The following SORBS3 variants were observed in gnomAD, a reference collection of about 807,000 sequenced individuals.
SORBS3 encodes vinexin.
Under a neutral mutation model 98.0 loss-of-function variants are expected in SORBS3, and 69 were observed. The observed-to-expected ratio is 0.70, with a 90% CI of 0.58 to 0.86. The LOEUF (loss-of-function observed/expected upper bound fraction) is 0.86. SORBS3 is among the 40% of genes least tolerant of loss of function. The pLI, the probability that SORBS3 is intolerant of heterozygous loss-of-function variation, is 0.00. For synonymous variants in SORBS3, 394 were observed against 355.4 expected, an observed-to-expected ratio of 1.11 and a Z score of -1.22; for missense variants, 954 against 908.5, an observed-to-expected ratio of 1.05 and a Z score of -0.64.
At chr8:22,557,653 A>C (rs1351516899) in intron 4 of SORBS3, among the ~76,000 whole-genome samples, 2 of 149,646 alleles carry the variant, frequency 1.3e-5, no homozygotes, top group Non-Finnish European at 3.0e-5. Flanking sequence ...AAAAAAAAAA[A>C]TAAAATAAAA....
intron 16 of SORBS3, 70 bp downstream of exon 16, chr8:22,567,245 A>C: frequency 8.6e-7 from 1 of 1,168,060 alleles, no homozygotes. Flanking sequence ...GACTTAGTGC[A>C]AACCTTGGGT....
intron 5 of SORBS3, among the ~76,000 whole-genome samples, chr8:22,559,681 C>G (rs368904710): frequency 6.2e-4 from 85 of 137,600 alleles, no homozygotes; most frequent in African/African-American, 2.3e-3. Context: ...CCAGCCTGGG[C>G]AATAGAGCAA....
At chr8:22,556,059 A>G (rs377594390) in intron 3 of SORBS3, among the ~76,000 whole-genome samples, 1 of 152,194 alleles carries the variant, frequency 6.6e-6, no homozygotes, top group African/African-American at 2.4e-5. Context: ...CTGAGCTGCA[A>G]TTCACACACT....
chr8:22,559,983 C>G (rs1005330223), intron 5 of SORBS3, among the ~76,000 whole-genome samples: 2 of 150,404 alleles, frequency 1.3e-5, no homozygotes, highest in Non-Finnish European at 3.0e-5. Context: ...AGGAGAATTG[C>G]TTGAACCTGA....
chr8:22,572,995 G>A (rs1346189709), intron 20 of SORBS3, among the ~76,000 whole-genome samples: 3 of 152,244 alleles, frequency 2.0e-5, no homozygotes, highest in African/African-American at 4.8e-5. Flanking sequence ...CAGAGTGGGC[G>A]GGCCCTGTGC....
chr8:22,550,109 G>A, upstream of SORBS3: 2 of 720,588 alleles, frequency 2.8e-6, no homozygotes, highest in Non-Finnish European at 3.4e-6. Context: ...ATCCCTGAGG[G>A]AGGGAAGAGG....
chr8:22,558,293 T>G (rs1586892813), intron 5 of SORBS3, 101 bp downstream of exon 5: 1 of 1,100,206 alleles, frequency 9.1e-7, no homozygotes, highest in Non-Finnish European at 1.4e-6. Flanking sequence ...GCTCAAGGGG[T>G]TCTTCTCCAC....
In SORBS3 at chr8:22,554,641, C is replaced by A. The variant is rs887913918; in HGVS notation, c.102+33C>A. ...AGTCAGTAGGGAGGAGGGTGTCCTG[C>A]GGGCCCGGAGTTGGTTGGGACGCTA... is the stretch of plus-strand genomic sequence containing the variant. On this transcript the variant is annotated intron_variant, in intron 2 of 20. Coordinates refer to ENST00000240123, the MANE Select transcript of SORBS3 (RefSeq NM_005775.5). This position sits in a 1 kb window ranked among gnomAD's most constrained non-coding sequence, Gnocchi z 6.5. 2 of 1,586,856 alleles carry A rather than the reference C, an allele frequency of 1.3e-6. No homozygotes were observed. Among genetic ancestry groups the A allele is most frequent in the Non-Finnish European group, 1.7e-6 (2 of 1,169,586 alleles).
At chr8:22,564,652 G>A in intron 10 of SORBS3, 131 bp downstream of exon 10, 6 of 1,413,302 alleles carry the variant, frequency 4.2e-6, no homozygotes, top group South Asian at 2.7e-5. Context: ...GTTTATTTCT[G>A]TAATGCCAGC....
At chr8:22,566,303 C>A in intron 12 of SORBS3, 42 bp from the exon 13 acceptor site, 1 of 1,595,070 alleles carries the variant, frequency 6.3e-7, no homozygotes, top group Non-Finnish European at 8.5e-7. Context: ...GGGTGGGGTG[C>A]GGAGCCCCAG....
intron 10 of SORBS3, chr8:22,564,765 C>G (rs1840369600): frequency 1.4e-6 from 2 of 1,394,798 alleles, no homozygotes; most frequent in Non-Finnish European, 1.9e-6. Flanking sequence ...TCAGTGCGCA[C>G]TGGGATTATC....
At chr8:22,566,761 C>G in intron 14 of SORBS3, 48 bp downstream of exon 14, 4 of 1,613,134 alleles carry the variant, frequency 2.5e-6, no homozygotes, top group Non-Finnish European at 3.4e-6. Context: ...CCCAAGGCTG[C>G]CATCCTGGAT....
chr8:22,573,665 G>A (rs1403593336), intron 20 of SORBS3, among the ~76,000 whole-genome samples: 1 of 151,790 alleles, frequency 6.6e-6, no homozygotes, highest in South Asian at 2.1e-4. Context: ...TCGGGGCAGA[G>A]GACGAGGGTG....
chr8:22,561,484 G>A (rs1458015576), intron 6 of SORBS3, 111 bp downstream of exon 6: 2 of 1,205,010 alleles, frequency 1.7e-6, no homozygotes, highest in Non-Finnish European at 2.4e-6. Context: ...AGTTGGCTCA[G>A]TTCAACCTGA....
chr8:22,554,632 G>C lies in SORBS3; in HGVS notation c.102+24G>C, dbSNP rs529403457. 4 of 1,598,622 alleles carry C rather than the reference G, an allele frequency of 2.5e-6. No homozygotes were observed. Among genetic ancestry groups the C allele is most frequent in the Non-Finnish European group, 3.4e-6 (4 of 1,174,932 alleles). ...GGGTGAGTGAGTCAGTAGGGAGGAG[G>C]GTGTCCTGCGGGCCCGGAGTTGGTT... On this transcript the variant is annotated intron_variant, in intron 2 of 20. Transcript: ENST00000240123. This position sits in a 1 kb window ranked among gnomAD's most constrained non-coding sequence, Gnocchi z 6.5.
At position 22,566,397 on chromosome 8, in the gene SORBS3, G is replaced by A. The variant is rs1345104992; in HGVS notation, c.1003G>A (p.Ala335Thr). Reference sequence around the variant, plus strand: ...CCCACATGCACCTTACCTGGGTTCCGCCCGGTCCCTGAGTCCCCACAAAAT... The same window carrying A: ...CCCACATGCACCTTACCTGGGTTCCACCCGGTCCCTGAGTCCCCACAAAAT... ...SYPHAPYLGS[A>T]RSLSPHKMAD... is the part of the protein sequence containing the mutation. Residue 335 changes from alanine to threonine, a missense_variant, in exon 13 of 21, where the codon GCC becomes ACC. Physicochemically the swap from Ala to Thr is moderately conservative, Grantham distance 58 (BLOSUM62 0). Transcript: ENST00000240123. 3.1e-6 allele frequency: 5 copies of A among 1,614,074 alleles called. No individual in the cohort carries two copies. In the South Asian group the frequency reaches 5.5e-5, roughly 18 times the overall value.
chr8:22,566,204 C>A (rs1209384116), intron 12 of SORBS3, 141 bp from the exon 13 acceptor site: 10 of 1,141,090 alleles, frequency 8.8e-6, no homozygotes, highest in Non-Finnish European at 1.1e-5. Context: ...GTAGGACATC[C>A]TGTGGAGAGC....
intron 10 of SORBS3, 132 bp from the exon 11 acceptor site, chr8:22,565,136 G>A: frequency 6.8e-7 from 1 of 1,472,302 alleles, no homozygotes; most frequent in Non-Finnish European, 9.1e-7. Context: ...GCAGGAGCCC[G>A]GCCCGTGCGC....
At position 22,571,038 on chromosome 8, in the gene SORBS3, CTG is replaced by C; in HGVS notation, c.1563_1564del (p.Cys521Ter). On this transcript the variant is annotated frameshift_variant, in exon 18 of 21. Transcript: ENST00000240123. LOFTEE classifies it high-confidence loss of function. ...TGTCTCGTGAACCCCGGCTCCGGCT[CTG>C]TGACGACGGCCCCCAGCTCCCCACG... is the stretch of plus-strand genomic sequence containing the variant. ...QVSREPRLRL[C>X]DDGPQLPTSP... is the part of the protein sequence containing the mutation. 6.2e-7 allele frequency: 1 copy of C among 1,613,510 alleles called. No homozygotes were observed. The highest frequency in any genetic ancestry group is 8.5e-7 in the Non-Finnish European group (1 of 1,179,906).
Sources: gnomAD v4.1 joint callset for allele counts (sites outside exome capture counted in the v4.1 genomes callset) on GRCh38, gnomAD v4.1.1 for gene constraint, Gnocchi (gnomAD v3.1) non-coding constraint, MANE v1.5 for transcripts, NCBI Gene and HGNC (gene_info 2026-07-23, HGNC 2026-07-21) for gene names.